The following CCDC149 variants were observed in gnomAD, a reference collection of about 807,000 sequenced individuals.
CCDC149 encodes coiled-coil domain containing 149.
In CCDC149, 45 loss-of-function variants were observed where a neutral mutation model predicts 59.9. The ratio of observed to expected loss-of-function variants is 0.75; its 90% CI spans 0.59 to 0.96. The LOEUF (loss-of-function observed/expected upper bound fraction) is 0.96, where lower values mean the gene tolerates loss of function less well. CCDC149 is among the 40% of genes least tolerant of loss of function. The pLI, the probability that CCDC149 is intolerant of heterozygous loss-of-function variation, is 0.00. For missense variants in CCDC149, 584 were observed against 664.7 expected (o/e 0.88, Z 1.33); for synonymous variants, 245 against 260.6 (o/e 0.94, Z 0.58).
chr4:24,819,325 CTT>C (rs1577379321), intron 12 of CCDC149, among the ~76,000 whole-genome samples: 2 of 152,272 alleles, frequency 1.3e-5, no homozygotes, highest in South Asian at 2.1e-4. Flanking sequence ...GGTCCTCACT[CTT>C]TATTTATTTT....
At chr4:24,803,759 G>A (rs933656751), downstream of CCDC149, among the ~76,000 whole-genome samples, 3 of 152,182 alleles carry the variant, frequency 2.0e-5, no homozygotes, top group South Asian at 6.2e-4. The surrounding 1 kb of genome is among the most constrained non-coding windows in gnomAD (Gnocchi z 4.3). Flanking sequence ...ATTCCAGAAA[G>A]TCAAACTTTT....
chr4:24,892,569 G>T (rs2109288339), intron 1 of CCDC149, among the ~76,000 whole-genome samples: 1 of 152,328 alleles, frequency 6.6e-6, no homozygotes, highest in African/African-American at 2.4e-5. Context: ...TATGACCATA[G>T]AAGCGTCAGC....
intron 3 of CCDC149, among the ~76,000 whole-genome samples, chr4:24,855,304 C>G (rs1167012562): frequency 2.6e-5 from 4 of 152,144 alleles, no homozygotes; most frequent in Non-Finnish European, 4.4e-5. Context: ...GTGGCTCACA[C>G]CTGTAATCCC....
chr4:24,948,825 C>A (rs1356987712), intron 1 of CCDC149, among the ~76,000 whole-genome samples: 1 of 152,090 alleles, frequency 6.6e-6, no homozygotes, highest in Non-Finnish European at 1.5e-5. Flanking sequence ...GAGGGTGGGT[C>A]TTTCTTGTGC....
intron 1 of CCDC149, among the ~76,000 whole-genome samples, chr4:24,922,145 A>C (rs1465223857): frequency 2.6e-5 from 4 of 152,200 alleles, no homozygotes. Flanking sequence ...AGACCCACCC[A>C]ACTCCAGTAT....
At chr4:24,960,404 A>G (rs1409597242) in intron 1 of CCDC149, among the ~76,000 whole-genome samples, 1 of 152,194 alleles carries the variant, frequency 6.6e-6, no homozygotes, top group Non-Finnish European at 1.5e-5. Context: ...ACAGAAACAA[A>G]TAGCATATCA....
intron 3 of CCDC149, among the ~76,000 whole-genome samples, chr4:24,859,697 C>T (rs1718255684): frequency 6.6e-6 from 1 of 151,974 alleles, no homozygotes; most frequent in African/African-American, 2.4e-5. Flanking sequence ...CCTAGAAAAC[C>T]CTAAAGACTC....
chr4:24,868,751 C>T (rs779487041), intron 3 of CCDC149, among the ~76,000 whole-genome samples: 1 of 152,104 alleles, frequency 6.6e-6, no homozygotes, highest in Non-Finnish European at 1.5e-5. Flanking sequence ...TTTTTCACCC[C>T]GTGCCCCTCC....
At chr4:24,962,288 G>T (rs1271174461) in intron 1 of CCDC149, among the ~76,000 whole-genome samples, 1 of 151,958 alleles carries the variant, frequency 6.6e-6, no homozygotes, top group African/African-American at 2.4e-5. Flanking sequence ...TTAGAATGGC[G>T]ATCATTAAAA....
intron 1 of CCDC149, among the ~76,000 whole-genome samples, chr4:24,942,414 T>C (rs1037088553): frequency 2.0e-5 from 3 of 152,174 alleles, no homozygotes; most frequent in African/African-American, 7.2e-5. Context: ...ATAAGAGCTA[T>C]CTATGACAAA....
rs562527859 is a variant in CCDC149, at chr4:24,933,204, A to G, written c.-64-38086T>C. ...TGCTATCCTAAAAGTGAGGACTTGT[A>G]TGTACTTAAATGGGAGGGGCTGGGT... On this transcript the variant is annotated intron_variant, in intron 1 of 12. Coordinates refer to the CCDC149 transcript ENST00000389609. Among the ~76,000 whole-genome samples the G allele has an allele frequency of 7.9e-5, 12 of 152,302 alleles. No homozygotes were observed. In the South Asian group the frequency reaches 2.5e-3, roughly 32 times the overall value.
At chr4:24,839,000 ACTCTCTCTCTCT>A (rs36052894) in intron 4 of CCDC149, among the ~76,000 whole-genome samples, 1 of 128,820 alleles carries the variant, frequency 7.8e-6, no homozygotes, top group Non-Finnish European at 1.6e-5. Context: ...TATACTAAGA[ACTCTCTCTCTCT>A]CTCTCTCTCT....
chr4:24,910,736 A>G (rs1721824742), intron 1 of CCDC149, among the ~76,000 whole-genome samples: 2 of 152,200 alleles, frequency 1.3e-5, no homozygotes. Context: ...AATGAGTCAG[A>G]CAGACCAGGA....
intron 1 of CCDC149, among the ~76,000 whole-genome samples, chr4:24,888,228 T>C (rs1355569921): frequency 2.4e-4 from 36 of 152,196 alleles, no homozygotes; most frequent in Non-Finnish European, 1.5e-5. Context: ...GCTGAATACA[T>C]ATTTAAGAAA....
chr4:24,839,771 G>T (rs985867209), intron 4 of CCDC149, among the ~76,000 whole-genome samples: 1 of 152,182 alleles, frequency 6.6e-6, no homozygotes, highest in African/African-American at 2.4e-5. Context: ...ACTGAAGAGT[G>T]ACTTTCAAAA....
intron 12 of CCDC149, among the ~76,000 whole-genome samples, chr4:24,811,112 C>A (rs1196412423): frequency 6.6e-6 from 1 of 152,212 alleles, no homozygotes; most frequent in East Asian, 1.9e-4. Flanking sequence ...CTGAGGACCA[C>A]AGCAAGAAGC....
chr4:24,837,915 G>GA lies in CCDC149; in HGVS notation c.489+240dup, dbSNP rs1367108011. ...TCTCCCTGTCTATCCTGGCTAGGAG[G>GA]AACGTTTCTTGTTGTGTTCAGAACA... On this transcript the variant is annotated intron_variant, in intron 5 of 12. Coordinates refer to ENST00000635206, the MANE Select transcript of CCDC149 (RefSeq NM_001330643.2). This position sits in a 1 kb window ranked among gnomAD's most constrained non-coding sequence, Gnocchi z 4.3. Among the ~76,000 whole-genome samples the GA allele has an allele frequency of 6.6e-6, 1 of 152,308 alleles. No homozygotes were observed.
intron 3 of CCDC149, among the ~76,000 whole-genome samples, chr4:24,856,907 G>T (rs991201829): frequency 1.3e-5 from 2 of 152,222 alleles, no homozygotes; most frequent in Admixed American, 1.3e-4. Flanking sequence ...CTGTCCCTGG[G>T]GAGCAGCGGG....
At chr4:24,833,065 C>T (rs1315766265) in intron 8 of CCDC149, among the ~76,000 whole-genome samples, 1 of 151,880 alleles carries the variant, frequency 6.6e-6, no homozygotes, top group Non-Finnish European at 1.5e-5. Context: ...TTTCTGACAC[C>T]GAGTGGCTGT....
Sources: gnomAD v4.1 joint callset for allele counts (sites outside exome capture counted in the v4.1 genomes callset) on GRCh38, gnomAD v4.1.1 for gene constraint, Gnocchi (gnomAD v3.1) non-coding constraint, MANE v1.5 for transcripts, NCBI Gene and HGNC (gene_info 2026-07-23, HGNC 2026-07-21) for gene names.